The following CNTNAP2 variants were observed in gnomAD, a reference collection of about 807,000 sequenced individuals.
CNTNAP2 encodes the protein contactin associated protein 2, also known as contactin-associated protein-like 2.
A neutral mutation model predicts 155.2 loss-of-function variants in CNTNAP2; 98 were observed. The observed-to-expected ratio is 0.63, with a 90% CI of 0.54 to 0.75. The LOEUF (loss-of-function observed/expected upper bound fraction) is 0.75. Ranked by LOEUF, CNTNAP2 falls within the 30% of genes least tolerant of loss-of-function variation. CNTNAP2 has a pLI of 0.00. For missense variants in CNTNAP2, 1,727 were observed against 1,688.1 expected, an observed-to-expected ratio of 1.02 and a Z score of -0.40; for synonymous variants, 651 against 631.2, an observed-to-expected ratio of 1.03 and a Z score of -0.47.
intron 22 of CNTNAP2, among the ~76,000 whole-genome samples, chr7:148,403,167 G>C (rs1799628341): frequency 1.4e-5 from 2 of 144,898 alleles, no homozygotes; most frequent in African/African-American, 5.2e-5. Flanking sequence ...GTTCCTGGGA[G>C]AAGACTCTCC....
intron 3 of CNTNAP2, among the ~76,000 whole-genome samples, chr7:146,843,469 C>A (rs946943612): frequency 3.3e-5 from 5 of 151,864 alleles, no homozygotes; most frequent in African/African-American, 1.2e-4. Context: ...GGTGGGGACA[C>A]AGACCCAAAC....
intron 5 of CNTNAP2, 94 bp from the exon 6 acceptor site, chr7:147,120,884 GT>G: frequency 8.8e-7 from 1 of 1,137,662 alleles, no homozygotes; most frequent in Non-Finnish European, 1.3e-6. Context: ...TTGATGGAAT[GT>G]CAGCCTCTAG....
At chr7:148,172,513 G>A (rs181130243) in intron 18 of CNTNAP2, 35 bp downstream of exon 18, 113 of 1,572,632 alleles carry the variant, frequency 7.2e-5, no homozygotes, top group East Asian at 1.3e-4. Flanking sequence ...CCACTTTTGC[G>A]TGTCTTTTTA....
chr7:147,775,349 TTA>T lies in CNTNAP2; in HGVS notation c.2099-128208_2099-128207del, dbSNP rs1197414302. Among the ~76,000 whole-genome samples the T allele has an allele frequency of 6.6e-4, 24 of 36,502 alleles. No homozygotes were observed. In the East Asian group the frequency reaches 8.0e-3, roughly 12 times the overall value. 23.9% of individuals were successfully genotyped at this position (36,502 alleles called of 152,430 possible). On this transcript the variant is annotated intron_variant, in intron 13 of 23. Transcript: ENST00000361727. Reference sequence around the variant, plus strand: ...TATATATATTTATAAATATATATATTTATATATATTTATAAATATATATATAT... The same window carrying T: ...TATATATATTTATAAATATATATATTTATATATTTATAAATATATATATAT...
chr7:148,262,081 G>T (rs1207706311), intron 20 of CNTNAP2, among the ~76,000 whole-genome samples: 2 of 152,178 alleles, frequency 1.3e-5, no homozygotes, highest in Non-Finnish European at 2.9e-5. Flanking sequence ...ATATACCTTA[G>T]AGAATGACGG....
rs141242999 is a variant in CNTNAP2 at position 146,305,255 on chromosome 7, G to T, written c.97+188282G>T. 3.9e-5 allele frequency among the ~76,000 whole-genome samples: 6 copies of T among 152,118 alleles called. No homozygotes were observed. The East Asian group carries it at 1.2e-3, about 29-fold the overall frequency. ...TCAGAGAAGTTTGTTGTTGCCAGTC[G>T]TCTGAAGCCTTCTTCTCTCAACTCG... On this transcript the variant is annotated intron_variant, in intron 1 of 23. Coordinates refer to ENST00000361727, the MANE Select transcript of CNTNAP2 (RefSeq NM_014141.6).
At chr7:148,238,109 G>A (rs6464859) in intron 20 of CNTNAP2, among the ~76,000 whole-genome samples, 51,904 of 152,054 alleles carry the variant, frequency 0.34, 9,712 homozygotes, top group East Asian at 0.54. Context: ...CCAGCACTTC[G>A]GGAGGCCGAG....
chr7:146,486,461 A>T (rs1439337438), intron 1 of CNTNAP2, among the ~76,000 whole-genome samples: 2 of 152,162 alleles, frequency 1.3e-5, no homozygotes, highest in Admixed American at 6.5e-5. Context: ...ATAAAAAGTT[A>T]TCTGAGACAC....
chr7:148,198,401 G>A (rs1010483754), intron 18 of CNTNAP2, among the ~76,000 whole-genome samples: 1 of 152,212 alleles, frequency 6.6e-6, no homozygotes, highest in African/African-American at 2.4e-5. Flanking sequence ...AGTATCTAAT[G>A]TAGATTCTTA....
chr7:146,562,961 A>G (rs941755998), intron 1 of CNTNAP2, among the ~76,000 whole-genome samples: 3 of 152,184 alleles, frequency 2.0e-5, no homozygotes, highest in Non-Finnish European at 4.4e-5. Flanking sequence ...ATAGAATCAC[A>G]CACACATACT....
chr7:146,301,759 C>T (rs1045599491), intron 1 of CNTNAP2, among the ~76,000 whole-genome samples: 2 of 150,728 alleles, frequency 1.3e-5, no homozygotes, highest in Non-Finnish European at 2.9e-5. Flanking sequence ...CACAGTGGTG[C>T]AAGGAATTTT....
intron 17 of CNTNAP2, among the ~76,000 whole-genome samples, chr7:148,166,407 GA>G: frequency 6.6e-6 from 1 of 152,118 alleles, no homozygotes; most frequent in East Asian, 1.9e-4. Flanking sequence ...CTTCTATGGT[GA>G]ATTAGTGGCC....
At chr7:147,444,282 G>C (rs11974837) in intron 10 of CNTNAP2, among the ~76,000 whole-genome samples, 31,190 of 152,030 alleles carry the variant, frequency 0.21, 3,409 homozygotes, top group East Asian at 0.35. Context: ...GGCAATTTGA[G>C]AACACAAGAG....
intron 9 of CNTNAP2, among the ~76,000 whole-genome samples, chr7:147,359,956 G>A (rs1008921057): frequency 6.6e-6 from 1 of 151,964 alleles, no homozygotes; most frequent in Non-Finnish European, 1.5e-5. Flanking sequence ...ATATAAACTT[G>A]ATTATAAACG....
chr7:147,074,739 T>G (rs1799963049), intron 4 of CNTNAP2, among the ~76,000 whole-genome samples: 1 of 152,192 alleles, frequency 6.6e-6, no homozygotes, highest in Non-Finnish European at 1.5e-5. Flanking sequence ...GAAATAATAT[T>G]ATACCCTATA....
In CNTNAP2 at chr7:147,803,506, C is replaced by T. The variant is rs184388011; in HGVS notation, c.2099-100059C>T. Among the ~76,000 whole-genome samples, 567 of 152,292 alleles carry T rather than the reference C, an allele frequency of 3.7e-3. 5 individuals are homozygous for T. The highest frequency in any genetic ancestry group is 3.9e-3 in the Non-Finnish European group (263 of 68,034). Reference sequence around the variant, plus strand: ...CTCATGTTCTTCTAGGGAGTCTTGCCTTGTCATTTCTACCAGTCATAGACT... The same window carrying T: ...CTCATGTTCTTCTAGGGAGTCTTGCTTTGTCATTTCTACCAGTCATAGACT... On this transcript the variant is annotated intron_variant, in intron 13 of 23. Transcript: ENST00000361727.
At chr7:146,819,084 T>G (rs890231081) in intron 2 of CNTNAP2, among the ~76,000 whole-genome samples, 3 of 152,126 alleles carry the variant, frequency 2.0e-5, no homozygotes, top group East Asian at 1.9e-4. Flanking sequence ...AATTTGAAAA[T>G]AATACATATT....
At chr7:147,630,316 T>TTAA (rs1286214301) in intron 12 of CNTNAP2, among the ~76,000 whole-genome samples, 1 of 73,078 alleles carries the variant, frequency 1.4e-5, no homozygotes, top group African/African-American at 4.2e-5. Flanking sequence ...GAAACAGTAG[T>TTAA]AAAAAAAAAA....
chr7:146,921,797 G>A (rs1024126257), intron 3 of CNTNAP2, among the ~76,000 whole-genome samples: 9 of 152,148 alleles, frequency 5.9e-5, no homozygotes, highest in Middle Eastern at 3.4e-3. Flanking sequence ...GCAAGGGTGG[G>A]AAATAATGAG....
Sources: gnomAD v4.1 joint callset for allele counts (sites outside exome capture counted in the v4.1 genomes callset) on GRCh38, gnomAD v4.1.1 for gene constraint, MANE v1.5 for transcripts, NCBI Gene and HGNC (gene_info 2026-07-23, HGNC 2026-07-21) for gene names.